The following ENOPH1 variants were observed in gnomAD, a reference collection of about 807,000 sequenced individuals.
ENOPH1 encodes the protein enolase-phosphatase E1.
ENOPH1 carries 14 observed loss-of-function variants against 31.1 expected under a neutral mutation model. That is an observed-to-expected ratio of 0.45 (90% confidence interval 0.30 to 0.70). The LOEUF is 0.70. ENOPH1 is among the 30% of genes least tolerant of loss of function. The pLI is 0.09. For synonymous variants in ENOPH1, 127 were observed against 123.2 expected (o/e 1.03, Z -0.21); for missense variants, 243 against 321.5 (o/e 0.76, Z 1.87).
In ENOPH1 at chr4:82,430,776, C is replaced by T; in HGVS notation, c.-54C>T. ...CCGGGGGCCGCAGCCGCAGCCGGCG[C>T]CGCCCTCCGCCCTCCCCAACAGCAG... is the stretch of plus-strand genomic sequence containing the variant. On this transcript the variant is annotated 5_prime_UTR_variant, in exon 1 of 6. Coordinates refer to ENST00000273920, the MANE Select transcript of ENOPH1 (RefSeq NM_021204.5). 6.4e-7 allele frequency: 1 copy of T among 1,558,312 alleles called. No homozygotes were observed. The highest frequency in any genetic ancestry group is 1.4e-5 in the African/African-American group (1 of 73,830).
At chr4:82,458,521 A>G in intron 5 of ENOPH1, among the ~76,000 whole-genome samples, 1 of 152,216 alleles carries the variant, frequency 6.6e-6, no homozygotes, top group East Asian at 1.9e-4. Context: ...AAAACACAAT[A>G]AAATAAAAAA....
chr4:82,457,612 G>A (rs751480245), intron 5 of ENOPH1, among the ~76,000 whole-genome samples: 1 of 151,834 alleles, frequency 6.6e-6, no homozygotes, highest in African/African-American at 2.4e-5. Flanking sequence ...CCCAGCCATC[G>A]CTATGTACAC....
chr4:82,455,001 A>T, intron 4 of ENOPH1, 147 bp downstream of exon 4: 1 of 721,020 alleles, frequency 1.4e-6, no homozygotes, highest in South Asian at 2.1e-5. Flanking sequence ...ACTTTTAATT[A>T]TATTGTATTT....
intron 2 of ENOPH1, among the ~76,000 whole-genome samples, chr4:82,448,874 C>T (rs936370783): frequency 2.0e-5 from 3 of 150,570 alleles, no homozygotes; most frequent in Non-Finnish European, 3.0e-5. Context: ...TCGGCTAAAA[C>T]GGTGAAACCC....
chr4:82,448,473 G>C (rs1157261391), intron 2 of ENOPH1, among the ~76,000 whole-genome samples: 1 of 151,638 alleles, frequency 6.6e-6, no homozygotes. Flanking sequence ...CATTGGACAG[G>C]CTGGTCTAGA....
chr4:82,456,588 A>T (rs915686118), intron 4 of ENOPH1, among the ~76,000 whole-genome samples: 3 of 152,236 alleles, frequency 2.0e-5, no homozygotes, highest in African/African-American at 7.2e-5. Flanking sequence ...TCCAGTGAGT[A>T]GTTTGAGTGC....
intron 1 of ENOPH1, among the ~76,000 whole-genome samples, chr4:82,438,887 T>C (rs919719075): frequency 1.3e-5 from 2 of 152,238 alleles, no homozygotes; most frequent in African/African-American, 4.8e-5. Flanking sequence ...AAGTATTCTT[T>C]TTTACAATAA....
chr4:82,455,008 A>G (rs1434724920), intron 4 of ENOPH1, among the ~76,000 whole-genome samples, 154 bp downstream of exon 4: 1 of 151,782 alleles, frequency 6.6e-6, no homozygotes, highest in East Asian at 1.9e-4. Flanking sequence ...ATTATATTGT[A>G]TTTACAGTTT....
chr4:82,449,318 A>G (rs1722286677), intron 2 of ENOPH1, among the ~76,000 whole-genome samples: 1 of 152,192 alleles, frequency 6.6e-6, no homozygotes, highest in Admixed American at 6.5e-5. Context: ...TCTCTATATT[A>G]GTCTGTTCTC....
chr4:82,454,897 C>A, intron 4 of ENOPH1, 43 bp downstream of exon 4: 2 of 1,554,012 alleles, frequency 1.3e-6, no homozygotes, highest in Non-Finnish European at 1.7e-6. Context: ...GCTATCAAAG[C>A]ATAAAATAAT....
intron 1 of ENOPH1, among the ~76,000 whole-genome samples, chr4:82,444,764 C>T (rs1008339952): frequency 7.2e-5 from 11 of 152,152 alleles, no homozygotes. Flanking sequence ...AGTTCTATAG[C>T]CTTTTGTTGT....
chr4:82,446,775 C>T (rs1389943136), intron 1 of ENOPH1, among the ~76,000 whole-genome samples: 2 of 139,192 alleles, frequency 1.4e-5, no homozygotes, highest in South Asian at 2.4e-4. Flanking sequence ...GGCGCAATCT[C>T]GGCTCACTGC....
At chr4:82,445,486 C>A (rs1044087694) in intron 1 of ENOPH1, among the ~76,000 whole-genome samples, 3 of 152,072 alleles carry the variant, frequency 2.0e-5, no homozygotes, top group Non-Finnish European at 4.4e-5. Context: ...GTAGGAGTCC[C>A]GCTTTGTTAC....
chr4:82,454,913 T>G, intron 4 of ENOPH1, 59 bp downstream of exon 4: 1 of 1,527,574 alleles, frequency 6.5e-7, no homozygotes, highest in South Asian at 1.3e-5. Context: ...ATAATGAATC[T>G]TAATGGAAAA....
At chr4:82,444,597 T>G (rs751595484) in intron 1 of ENOPH1, among the ~76,000 whole-genome samples, 5 of 152,252 alleles carry the variant, frequency 3.3e-5, no homozygotes, top group Non-Finnish European at 7.3e-5. Flanking sequence ...TCTAAACATT[T>G]ACAAGGCAAC....
intron 5 of ENOPH1, among the ~76,000 whole-genome samples, chr4:82,458,638 A>T (rs549314424): frequency 6.6e-6 from 1 of 152,382 alleles, no homozygotes; most frequent in Admixed American, 6.5e-5. Context: ...TTAGATAAAA[A>T]GCCTGAATAT....
chr4:82,432,710 C>T (rs189058083), intron 1 of ENOPH1, among the ~76,000 whole-genome samples: 13 of 152,002 alleles, frequency 8.6e-5, no homozygotes, highest in African/African-American at 3.1e-4. Context: ...GGCTGGAATA[C>T]AGTGGTGCAA....
chr4:82,433,628 A>T (rs1049247642), intron 1 of ENOPH1, among the ~76,000 whole-genome samples: 2 of 152,240 alleles, frequency 1.3e-5, no homozygotes, highest in African/African-American at 4.8e-5. Flanking sequence ...GTAATTATGT[A>T]AAAAAGGATT....
intron 1 of ENOPH1, among the ~76,000 whole-genome samples, chr4:82,441,467 A>G (rs1722037629): frequency 6.6e-6 from 1 of 151,944 alleles, no homozygotes; most frequent in African/African-American, 2.4e-5. Context: ...CTAAAAATAC[A>G]AAAAATTGGC....
Sources: gnomAD v4.1 joint callset for allele counts (sites outside exome capture counted in the v4.1 genomes callset) on GRCh38, gnomAD v4.1.1 for gene constraint, MANE v1.5 for transcripts, NCBI Gene and HGNC (gene_info 2026-07-23, HGNC 2026-07-21) for gene names.